PLCL2: variants seen among roughly 807,000 people sequenced by gnomAD.
The protein encoded by PLCL2 is phospholipase C like 2.
Under a neutral mutation model 79.6 loss-of-function variants are expected in PLCL2, and 4 were observed. That is an observed-to-expected ratio of 0.05 (90% CI 0.02 to 0.11). The LOEUF (loss-of-function observed/expected upper bound fraction) is 0.11, where lower values mean the gene tolerates loss of function less well. Among genes scored for constraint, PLCL2 ranks in the 10% least tolerant of loss-of-function variants. PLCL2 has a pLI of 1.00. For missense variants in PLCL2, 895 were observed against 1,291.0 expected, an observed-to-expected ratio of 0.69 and a Z score of 4.70; for synonymous variants, 484 against 457.7, an observed-to-expected ratio of 1.06 and a Z score of -0.73.
intron 3 of PLCL2, among the ~76,000 whole-genome samples, chr3:17,025,092 G>T (rs534952360): frequency 6.6e-6 from 1 of 152,258 alleles, no homozygotes; most frequent in Admixed American, 6.5e-5. Flanking sequence ...GACCAGGTAG[G>T]ATGATGTGAA....
At chr3:16,953,653 A>C (rs2063672836) in intron 1 of PLCL2, among the ~76,000 whole-genome samples, 2 of 152,202 alleles carry the variant, frequency 1.3e-5, no homozygotes, top group African/African-American at 4.8e-5. Flanking sequence ...GATTTCACTG[A>C]AATTCATTGT....
intron 1 of PLCL2, among the ~76,000 whole-genome samples, chr3:16,971,664 A>G (rs1333868325): frequency 6.6e-6 from 1 of 152,170 alleles, no homozygotes; most frequent in Non-Finnish European, 1.5e-5. Flanking sequence ...CACGATATTG[A>G]TTCTTCCTAC....
At chr3:16,943,822 A>G (rs1410423905) in intron 1 of PLCL2, among the ~76,000 whole-genome samples, 2 of 152,216 alleles carry the variant, frequency 1.3e-5, no homozygotes, top group African/African-American at 4.8e-5. Context: ...TTAGCATTAT[A>G]AAATAATTTT....
intron 1 of PLCL2, among the ~76,000 whole-genome samples, chr3:16,889,984 G>T (rs1696309500): frequency 6.6e-6 from 1 of 152,156 alleles, no homozygotes; most frequent in South Asian, 2.1e-4. Context: ...TGTCTGGATA[G>T]ATAGGAAACC....
chr3:16,932,795 G>A (rs1697438171), intron 1 of PLCL2, among the ~76,000 whole-genome samples: 1 of 152,194 alleles, frequency 6.6e-6, no homozygotes, highest in Non-Finnish European at 1.5e-5. Flanking sequence ...GATGGACTCT[G>A]TAGCCCAGTA....
At chr3:16,915,216 G>A (rs985757100) in intron 1 of PLCL2, among the ~76,000 whole-genome samples, 7 of 152,242 alleles carry the variant, frequency 4.6e-5, no homozygotes, top group African/African-American at 9.6e-5. Context: ...CATTCTTCTC[G>A]CTATGAGGTT....
At chr3:16,909,913 G>T (rs559725010) in intron 1 of PLCL2, among the ~76,000 whole-genome samples, 1 of 152,092 alleles carries the variant, frequency 6.6e-6, no homozygotes, top group South Asian at 2.1e-4. Flanking sequence ...TTGTTATTTG[G>T]CTATGGCCCA....
At chr3:16,971,299 G>C (rs1443059843) in intron 1 of PLCL2, among the ~76,000 whole-genome samples, 1 of 151,954 alleles carries the variant, frequency 6.6e-6, no homozygotes, top group Non-Finnish European at 1.5e-5. Flanking sequence ...AGTTTTCCCC[G>C]CACCATTTAT....
intron 1 of PLCL2, among the ~76,000 whole-genome samples, chr3:16,982,585 C>T (rs539709423): frequency 8.3e-4 from 127 of 152,300 alleles, no homozygotes; most frequent in Non-Finnish European, 1.7e-3. Flanking sequence ...TGGGGTGTTG[C>T]CTGGGCCTGC....
At chr3:16,952,188 A>T (rs1181505815) in intron 1 of PLCL2, among the ~76,000 whole-genome samples, 1 of 151,730 alleles carries the variant, frequency 6.6e-6, no homozygotes, top group Non-Finnish European at 1.5e-5. Flanking sequence ...GTGGGGTGGG[A>T]GACAAGGGGA....
intron 1 of PLCL2, among the ~76,000 whole-genome samples, chr3:16,962,465 T>C (rs1034322238): frequency 1.3e-5 from 2 of 151,918 alleles, no homozygotes; most frequent in African/African-American, 4.8e-5. Flanking sequence ...TTGATTCTTA[T>C]GCTATTATAG....
In PLCL2 at chr3:17,010,067, A is replaced by T. The variant is rs775170865; in HGVS notation, c.721A>T (p.Ile241Phe). Residue 241 changes from isoleucine (I) to phenylalanine (F), a missense_variant, in exon 2 of 6, where the codon ATC becomes TTC. Transcript: ENST00000615277. This position sits in a 1 kb window ranked among gnomAD's most constrained non-coding sequence, Gnocchi z 5.8. ...TGCCAACTCCGCAGATGTTGCAAACATCTGGGTTACAGGACTGCGGTACCT... is the reference window on the plus strand; with the variant it reads ...TGCCAACTCCGCAGATGTTGCAAACTTCTGGGTTACAGGACTGCGGTACCT... ...LVANSADVAN[I>F]WVTGLRYLIS... The T allele has an allele frequency of 6.2e-7, 1 of 1,613,460 alleles. No homozygotes were observed. Among genetic ancestry groups the T allele is most frequent in the Non-Finnish European group, 8.5e-7 (1 of 1,179,374 alleles).
At chr3:17,038,620 A>T (rs1167163449) in intron 3 of PLCL2, among the ~76,000 whole-genome samples, 11 of 152,134 alleles carry the variant, frequency 7.2e-5, no homozygotes, top group Non-Finnish European at 1.5e-5. Context: ...TATTATTTAT[A>T]ATAATGAATT....
At chr3:17,056,974 G>A (rs1051237072) in intron 4 of PLCL2, among the ~76,000 whole-genome samples, 6 of 152,090 alleles carry the variant, frequency 3.9e-5, no homozygotes, top group Admixed American at 3.9e-4. Flanking sequence ...TCATCAAGGT[G>A]TACTTTCAGT....
chr3:16,907,782 A>G (rs1347880633), intron 1 of PLCL2, among the ~76,000 whole-genome samples: 1 of 152,218 alleles, frequency 6.6e-6, no homozygotes, highest in Non-Finnish European at 1.5e-5. Context: ...CAGCATAACA[A>G]AAGTCTAGAT....
chr3:16,998,086 C>T (rs955778293), intron 1 of PLCL2, among the ~76,000 whole-genome samples: 7 of 152,148 alleles, frequency 4.6e-5, no homozygotes, highest in Non-Finnish European at 8.8e-5. Flanking sequence ...CCCCTGCATG[C>T]TGATGGATCT....
In PLCL2 at chr3:17,067,947, T is replaced by C. The variant is rs1223980039; in HGVS notation, c.3095-9T>C. On this transcript the variant is annotated splice_polypyrimidine_tract_variant and intron_variant, in intron 4 of 5. Coordinates refer to ENST00000615277, the MANE Select transcript of PLCL2 (RefSeq NM_001144382.2). ...AGTTAATATACTTTGTCTTTTTTAT[T>C]TCTTTCAGCCATGGAATTCCATGAA... 5.8e-6 allele frequency: 9 copies of C among 1,544,528 alleles called. No homozygotes were observed. The highest frequency in any genetic ancestry group is 8.0e-6 in the Non-Finnish European group (9 of 1,122,934).
At chr3:17,017,557 T>G (rs982710247) in intron 3 of PLCL2, among the ~76,000 whole-genome samples, 1 of 152,146 alleles carries the variant, frequency 6.6e-6, no homozygotes, top group Non-Finnish European at 1.5e-5. Context: ...TAAATATAGC[T>G]CTTTATTTTT....
intron 1 of PLCL2, among the ~76,000 whole-genome samples, chr3:16,958,559 C>T (rs2063727203): frequency 6.6e-6 from 1 of 152,116 alleles, no homozygotes; most frequent in African/African-American, 2.4e-5. Context: ...AAATGAGTGA[C>T]ATTTTGGATG....
Sources: gnomAD v4.1 joint callset for allele counts (sites outside exome capture counted in the v4.1 genomes callset) on GRCh38, gnomAD v4.1.1 for gene constraint, Gnocchi (gnomAD v3.1) non-coding constraint, MANE v1.5 for transcripts, NCBI Gene and HGNC (gene_info 2026-07-23, HGNC 2026-07-21) for gene names.